LRRTM1: variants seen among roughly 807,000 people sequenced by gnomAD.
LRRTM1 encodes the protein leucine rich repeat transmembrane neuronal 1.
Under a neutral mutation model 37.3 loss-of-function variants are expected in LRRTM1, and 8 were observed. The observed-to-expected ratio is 0.21, with a 90% CI of 0.13 to 0.39. LRRTM1 has a LOEUF of 0.39. LRRTM1 is among the 10% of genes least tolerant of loss of function. LRRTM1 has a pLI of 1.00. For synonymous variants in LRRTM1, 326 were observed against 316.8 expected, an observed-to-expected ratio of 1.03 and a Z score of -0.31; for missense variants, 557 against 691.0, an observed-to-expected ratio of 0.81 and a Z score of 2.17.
chr2:80,301,528 C>G (rs1039408230), downstream of LRRTM1, among the ~76,000 whole-genome samples: 8 of 152,140 alleles, frequency 5.3e-5, no homozygotes, highest in South Asian at 2.1e-4. Flanking sequence ...TTTTAAAAAC[C>G]ATTTGCAATG....
chr2:80,293,318 A>G (rs773968686), intron 2 of LRRTM1, among the ~76,000 whole-genome samples: 1 of 152,222 alleles, frequency 6.6e-6, no homozygotes, highest in African/African-American at 2.4e-5. Context: ...AAGGCTGCCT[A>G]CAATATCTCT....
Position 80,302,010 on chromosome 2 carries a change from GAAATTT to G in LRRTM1, c.*235_*240del. 1 of 437,834 alleles carries G rather than the reference GAAATTT, an allele frequency of 2.3e-6. No individual in the cohort carries two copies. Among genetic ancestry groups the G allele is most frequent in the East Asian group, 3.6e-5 (1 of 27,440 alleles). The allele number at this position is 437,834 out of a possible 1,614,324, so 27.1% of individuals were successfully genotyped here. The stretch of plus-strand genomic sequence containing the variant: ...CAAAGGGAGGAAGGAGTTCTCATAT[GAAATTT>G]AAGATAGACTGTCCTGAAGGTTGTG... On this transcript the variant is annotated 3_prime_UTR_variant, in exon 2 of 2. Coordinates refer to ENST00000295057, the MANE Select transcript of LRRTM1 (RefSeq NM_178839.5). This position sits in a 1 kb window ranked among gnomAD's most constrained non-coding sequence, Gnocchi z 6.4.
chr2:80,301,839 C>T (rs1014415829), downstream of LRRTM1: 2 of 154,736 alleles, frequency 1.3e-5, no homozygotes, highest in African/African-American at 4.9e-5. Context: ...TTTCTTGTAA[C>T]ACAGGTAACA....
intron 2 of LRRTM1, among the ~76,000 whole-genome samples, chr2:80,294,945 G>C (rs1391184987): frequency 6.6e-6 from 1 of 152,206 alleles, no homozygotes; most frequent in Non-Finnish European, 1.5e-5. Flanking sequence ...GGATTGAGGA[G>C]TCAGTGTAAT....
downstream of LRRTM1, among the ~76,000 whole-genome samples, chr2:80,301,423 G>C (rs1676297277): frequency 6.6e-6 from 1 of 152,214 alleles, no homozygotes; most frequent in African/African-American, 2.4e-5. Flanking sequence ...AAGAACAGGT[G>C]GCATTTGGGG....
chr2:80,293,140 G>A (rs914615186), intron 2 of LRRTM1, among the ~76,000 whole-genome samples: 3 of 152,224 alleles, frequency 2.0e-5, no homozygotes, highest in Non-Finnish European at 4.4e-5. Flanking sequence ...CAAAATAACA[G>A]AGTGAGTGGT....
At chr2:80,294,756 G>T (rs1423874193) in intron 2 of LRRTM1, among the ~76,000 whole-genome samples, 1 of 152,180 alleles carries the variant, frequency 6.6e-6, no homozygotes, top group Non-Finnish European at 1.5e-5. Context: ...GCTCCCAAGT[G>T]GTTCCAGTGT....
chr2:80,298,039 A>T (rs1294468738), downstream of LRRTM1: 3 of 149,372 alleles, frequency 2.0e-5, no homozygotes, highest in Admixed American at 6.7e-5. Context: ...ATTATATATT[A>T]TATATATATA....
intron 2 of LRRTM1, among the ~76,000 whole-genome samples, chr2:80,295,837 A>C (rs1047977333): frequency 4.6e-5 from 7 of 152,204 alleles, no homozygotes; most frequent in Admixed American, 1.3e-4. Context: ...ACCAAATGTG[A>C]ATTATATTCT....
rs1573650974 is a variant in LRRTM1 at position 80,303,871 on chromosome 2, T to C, written c.-52A>G. ...GAGAATGTCCATTGGAAGCGCTCGGTCAGAAATCTACATCATATTTTATTC... is the reference window on the plus strand; with the variant it reads ...GAGAATGTCCATTGGAAGCGCTCGGCCAGAAATCTACATCATATTTTATTC... On this transcript the variant is annotated 5_prime_UTR_variant, in exon 2 of 2. Coordinates refer to ENST00000295057, the MANE Select transcript of LRRTM1 (RefSeq NM_178839.5). This position sits in a 1 kb window ranked among gnomAD's most constrained non-coding sequence, Gnocchi z 7.7. The C allele has an allele frequency of 6.8e-7, 1 of 1,466,104 alleles. No homozygotes were observed. The highest frequency in any genetic ancestry group is 9.0e-7 in the Non-Finnish European group (1 of 1,106,976). 90.8% of individuals were successfully genotyped at this position (1,466,104 alleles called of 1,614,324 possible).
In LRRTM1 at chr2:80,302,848, G is replaced by T. The variant is rs1160421128; in HGVS notation, c.972C>A (p.Ala324=). 2 of 1,614,112 alleles carry T rather than the reference G, an allele frequency of 1.2e-6. No homozygotes were observed. The highest frequency in any genetic ancestry group is 8.5e-7 in the Non-Finnish European group (1 of 1,180,040). The change falls in exon 2 of 2, where the codon GCC becomes GCA. Residue 324 remains alanine (A), a synonymous_variant. Coordinates refer to ENST00000295057, the MANE Select transcript of LRRTM1 (RefSeq NM_178839.5). This position sits in a 1 kb window ranked among gnomAD's most constrained non-coding sequence, Gnocchi z 6.4. Reference sequence around the variant, plus strand: ...GGAAGTTGTTGAGCCACGAGGCTAGGGCACACACGTTGCGCCCGCAATCCC... The same window carrying T: ...GGAAGTTGTTGAGCCACGAGGCTAGTGCACACACGTTGCGCCCGCAATCCC... ...NLWDCGRNVC[A]LASWLNNFQG...
chr2:80,300,278 T>TGG (rs770942821), downstream of LRRTM1, among the ~76,000 whole-genome samples: 3,534 of 71,052 alleles, frequency 0.05, 55 homozygotes, highest in Non-Finnish European at 0.071. Context: ...GCTGGGGTGT[T>TGG]GGGGTGTGTG....
intron 2 of LRRTM1, among the ~76,000 whole-genome samples, chr2:80,293,277 T>G (rs1376584474): frequency 1.3e-5 from 2 of 152,352 alleles, no homozygotes; most frequent in East Asian, 3.9e-4. Context: ...AATCCAGCTC[T>G]GTGTGCTGCT....
chr2:80,298,328 T>C (rs934875946), downstream of LRRTM1: 1 of 152,186 alleles, frequency 6.6e-6, no homozygotes, highest in Admixed American at 6.5e-5. Flanking sequence ...TTTATGTTTA[T>C]TTTGACTACC....
In LRRTM1 at chr2:80,294,191, A is replaced by G. The variant is rs533206025; in HGVS notation, c.*307-4996T>C. On this transcript the variant is annotated intron_variant and NMD_transcript_variant, in intron 2 of 2. Coordinates refer to the LRRTM1 transcript ENST00000417012. ...ACAATGACCTTGGGCAAGCTACTGA[A>G]CCTTTTCAGATTTGAGTCTTCTTGC... 3.3e-5 allele frequency among the ~76,000 whole-genome samples: 5 copies of G among 152,308 alleles called. No homozygotes were observed. In the South Asian group the frequency reaches 1.0e-3, roughly 32 times the overall value.
intron 2 of LRRTM1, among the ~76,000 whole-genome samples, chr2:80,292,927 T>C (rs1340262094): frequency 6.6e-6 from 1 of 152,194 alleles, no homozygotes; most frequent in Non-Finnish European, 1.5e-5. Context: ...ACCTTTATGA[T>C]TTTTGAAATA....
chr2:80,294,469 G>C (rs1469177965), intron 2 of LRRTM1, among the ~76,000 whole-genome samples: 2 of 151,402 alleles, frequency 1.3e-5, no homozygotes, highest in Non-Finnish European at 2.9e-5. Context: ...ACCCCATGGA[G>C]CCCTGACCCC....
chr2:80,294,439 C>A (rs1675548997), intron 2 of LRRTM1, among the ~76,000 whole-genome samples: 2 of 74,786 alleles, frequency 2.7e-5, no homozygotes, highest in African/African-American at 6.3e-5. Context: ...GCCCACGTAA[C>A]CTGACCCCAT....
At chr2:80,297,312 T>C (rs1201417407), downstream of LRRTM1, among the ~76,000 whole-genome samples, 3 of 152,132 alleles carry the variant, frequency 2.0e-5, no homozygotes, top group African/African-American at 7.2e-5. Flanking sequence ...AATTAGCACA[T>C]CCCAGTGCTT....
Sources: allele counts gnomAD v4.1 joint callset (sites outside exome capture counted in the v4.1 genomes callset), GRCh38; gene constraint gnomAD v4.1.1; non-coding constraint Gnocchi (gnomAD v3.1); transcripts MANE v1.5; gene names NCBI Gene and HGNC (gene_info 2026-07-23, HGNC 2026-07-21).